DDX19A: variants seen among roughly 807,000 people sequenced by gnomAD.
The protein encoded by DDX19A is DEAD-box helicase 19A.
In DDX19A, 12 loss-of-function variants were observed where a neutral mutation model predicts 60.6. That is an observed-to-expected ratio of 0.20 (90% CI 0.13 to 0.32). DDX19A has a LOEUF of 0.32. Ranked by LOEUF, DDX19A falls within the 10% of genes least tolerant of loss-of-function variation. The pLI, the probability that DDX19A is intolerant of heterozygous loss-of-function variation, is 1.00. For missense variants in DDX19A, 337 were observed against 600.6 expected, an observed-to-expected ratio of 0.56 and a Z score of 4.59; for synonymous variants, 206 against 218.2, an observed-to-expected ratio of 0.94 and a Z score of 0.49.
chr16:70,361,328 C>T (rs1964358783), intron 4 of DDX19A, 90 bp from the exon 5 acceptor site: 1 of 996,716 alleles, frequency 1.0e-6, no homozygotes, highest in Admixed American at 2.0e-5. Context: ...TAGGAGGCAT[C>T]ATTCCTTTCT....
At chr16:70,368,077 T>A (rs1168224750) in intron 9 of DDX19A, among the ~76,000 whole-genome samples, 1 of 152,086 alleles carries the variant, frequency 6.6e-6, no homozygotes. Flanking sequence ...CTCGGAAGAC[T>A]GAGGTGGGAG....
chr16:70,368,121 C>G (rs955932699), intron 9 of DDX19A, among the ~76,000 whole-genome samples: 4 of 152,188 alleles, frequency 2.6e-5, no homozygotes, highest in Non-Finnish European at 5.9e-5. Flanking sequence ...AGGCTGCAGT[C>G]AGCTGTGATC....
At position 70,350,549 on chromosome 16, in the gene DDX19A, C is replaced by A. The variant is rs545492520; in HGVS notation, c.58-8C>A. ...TGCTTAACTCTGTTTTCTTTTATTT[C>A]TATTCAGATGACCAATTTGCAGATC... On this transcript the variant is annotated splice_region_variant and splice_polypyrimidine_tract_variant and intron_variant, in intron 1 of 11. Coordinates refer to ENST00000302243, the MANE Select transcript of DDX19A (RefSeq NM_018332.5). 6.2e-7 allele frequency: 1 copy of A among 1,608,616 alleles called. No homozygotes were observed. The highest frequency in any genetic ancestry group is 8.5e-7 in the Non-Finnish European group (1 of 1,177,312).
chr16:70,358,569 C>T (rs1319460819), intron 4 of DDX19A, among the ~76,000 whole-genome samples: 1 of 151,630 alleles, frequency 6.6e-6, no homozygotes, highest in Admixed American at 6.6e-5. Context: ...TTAGGTCGGG[C>T]ACGGTGGCTC....
chr16:70,365,159 G>A lies in DDX19A; in HGVS notation c.604+28G>A, dbSNP rs187322384. The A allele has an allele frequency of 4.5e-3, 6,727 of 1,492,680 alleles. 45 individuals are homozygous for A. The highest frequency in any genetic ancestry group is 0.012 in the South Asian group (1,063 of 88,588). The allele number at this position is 1,492,680 out of a possible 1,614,324, so 92.5% of individuals were successfully genotyped here. The stretch of plus-strand genomic sequence containing the variant: ...GAGTACGGCAGGCGACAACTGAACA[G>A]TGAGCAGGGTAGGGGGTTGGGCGTT... On this transcript the variant is annotated intron_variant, in intron 7 of 11. Transcript: ENST00000302243.
chr16:70,361,433 C>T lies in DDX19A; in HGVS notation c.309C>T (p.Leu103=), dbSNP rs1327769531. The T allele has an allele frequency of 3.1e-6, 5 of 1,613,638 alleles. No individual in the cohort carries two copies. The highest frequency in any genetic ancestry group is 1.7e-5 in the Admixed American group (1 of 59,964). Reference sequence around the variant, plus strand: ...GGCTTCCTAGGAAACCACAGCTTCTCCAGGGAGTCTATGCCATGGGCTTCA... The same window carrying T: ...GGCTTCCTAGGAAACCACAGCTTCTTCAGGGAGTCTATGCCATGGGCTTCA... ...FEELRLKPQL[L]QGVYAMGFNR... is the part of the protein sequence containing the mutation. Residue 103 remains leucine (L), a synonymous_variant, in exon 5 of 12, where the codon CTC becomes CTT. Transcript: ENST00000302243.
At chr16:70,371,219 C>A in intron 10 of DDX19A, 153 bp from the exon 11 acceptor site, 1 of 1,343,332 alleles carries the variant, frequency 7.4e-7, no homozygotes, top group Non-Finnish European at 1.0e-6. Context: ...CTGTTGCCTG[C>A]CTATATGTGT....
At position 70,366,615 on chromosome 16, in the gene DDX19A, C is replaced by G. The variant is rs1327626338; in HGVS notation, c.783-9C>G. 1.9e-6 allele frequency: 3 copies of G among 1,614,178 alleles called. No homozygotes were observed. The highest frequency in any genetic ancestry group is 2.2e-5 in the East Asian group (1 of 44,878). On this transcript the variant is annotated splice_polypyrimidine_tract_variant and intron_variant, in intron 8 of 11. Transcript: ENST00000302243. ...ACCTGGGGCCATCTACCCGGGCCTTCCCTTGCAGGATGCTGCCCAGGAACT... is the reference window on the plus strand; with the variant it reads ...ACCTGGGGCCATCTACCCGGGCCTTGCCTTGCAGGATGCTGCCCAGGAACT...
At chr16:70,370,922 G>C in intron 10 of DDX19A, 1 of 222,574 alleles carries the variant, frequency 4.5e-6, no homozygotes, top group Non-Finnish European at 9.0e-6. Context: ...CTTGAACCCG[G>C]GAGGTGGAGG....
intron 9 of DDX19A, among the ~76,000 whole-genome samples, chr16:70,369,144 G>A (rs1358877275): frequency 6.7e-6 from 1 of 149,856 alleles, no homozygotes; most frequent in Non-Finnish European, 1.5e-5. Context: ...TGGGATTACA[G>A]GCGTGAACCA....
intron 10 of DDX19A, 178 bp from the exon 11 acceptor site, chr16:70,371,194 C>T (rs902457199): frequency 1.8e-6 from 2 of 1,105,912 alleles, no homozygotes; most frequent in South Asian, 3.3e-5. Context: ...AAGTTCTCTT[C>T]TTTTCCTCTG....
In DDX19A at chr16:70,372,294, G is replaced by C; in HGVS notation, c.*308G>C. ...GCCCCAGGACCCCCTCCTGATTTTG[G>C]CTAGGCATCGTGGAACCAGCTCCAG... On this transcript the variant is annotated 3_prime_UTR_variant, in exon 12 of 12. Coordinates refer to ENST00000302243, the MANE Select transcript of DDX19A (RefSeq NM_018332.5). 2.1e-6 allele frequency: 1 copy of C among 468,712 alleles called. No homozygotes were observed. Among genetic ancestry groups the C allele is most frequent in the Non-Finnish European group, 3.9e-6 (1 of 259,162 alleles). 29.0% of individuals were successfully genotyped at this position (468,712 alleles called of 1,614,324 possible). A position where few individuals can be genotyped will look rare whatever the true frequency, so the allele number is the denominator to read the frequency against.
rs1180504016 is a variant in DDX19A at position 70,352,377 on chromosome 16, C to T, written c.106+1772C>T. ...TTGGCTCACTCCAACCTCCGCCTCC[C>T]GGGTTCAAGCGATTCTCCTGCCTCG... On this transcript the variant is annotated intron_variant, in intron 2 of 11. Transcript: ENST00000302243. Among the ~76,000 whole-genome samples the T allele has an allele frequency of 2.6e-5, 4 of 150,954 alleles. No homozygotes were observed. The East Asian group carries it at 5.8e-4, about 22-fold the overall frequency.
intron 5 of DDX19A, 135 bp downstream of exon 5, chr16:70,361,645 A>G: frequency 3.1e-6 from 2 of 637,282 alleles, no homozygotes; most frequent in South Asian, 3.9e-5. Context: ...AGGCAAGTGC[A>G]GAGAGAATCG....
chr16:70,350,667 T>A, intron 2 of DDX19A, 62 bp downstream of exon 2: 1 of 1,229,138 alleles, frequency 8.1e-7, no homozygotes, highest in Non-Finnish European at 1.2e-6. Context: ...TTTGCACTCA[T>A]AGCTGCATTG....
At chr16:70,365,244 T>C in intron 7 of DDX19A, 113 bp downstream of exon 7, 2 of 670,922 alleles carry the variant, frequency 3.0e-6, no homozygotes, top group Admixed American at 5.3e-5. Flanking sequence ...CCCTGGAGCC[T>C]AACTGTGTTG....
chr16:70,371,523 G>C lies in DDX19A; in HGVS notation c.1335G>C (p.Lys445Asn). Reference sequence around the variant, plus strand: ...TGGCAGTGAACATGGTGGACAGCAAGCACAGCATGAACATCCTGAACAGAA... The same window carrying C: ...TGGCAGTGAACATGGTGGACAGCAACCACAGCATGAACATCCTGAACAGAA... The part of the protein sequence containing the change: ...RGLAVNMVDS[K>N]HSMNILNRIQ... The change falls in exon 11 of 12, where the codon AAG (lysine) becomes AAC (asparagine). Residue 445 changes from lysine to asparagine, a missense_variant. Lys to Asn is a moderately conservative substitution (Grantham distance 94). Around this residue, in one of 6 missense-constraint regions of DDX19A, gnomAD observed 29 missense variants for 51.2 expected, o/e 0.57. Transcript: ENST00000302243. 3 of 1,548,874 alleles carry C rather than the reference G, an allele frequency of 1.9e-6. No homozygotes were observed. Among genetic ancestry groups the C allele is most frequent in the Non-Finnish European group, 2.6e-6 (3 of 1,143,150 alleles).
chr16:70,361,566 A>G, intron 5 of DDX19A, 56 bp downstream of exon 5: 2 of 1,461,156 alleles, frequency 1.4e-6, no homozygotes, highest in African/African-American at 1.4e-5. Context: ...ATCTTCCCCA[A>G]ACTGCGTTTT....
At chr16:70,357,510 G>A (rs897913712) in intron 4 of DDX19A, among the ~76,000 whole-genome samples, 1 of 148,920 alleles carries the variant, frequency 6.7e-6, no homozygotes, top group Non-Finnish European at 1.5e-5. Context: ...TTAGCCTCCC[G>A]AGTTAGCTGG....
Sources: allele counts gnomAD v4.1 joint callset (sites outside exome capture counted in the v4.1 genomes callset), GRCh38; gene constraint gnomAD v4.1.1; regional missense constraint gnomAD v4.1.1; transcripts MANE v1.5; gene names NCBI Gene and HGNC (gene_info 2026-07-23, HGNC 2026-07-21).